TLN2: variants seen among roughly 807,000 people sequenced by gnomAD.
TLN2 encodes the protein talin-2.
TLN2 carries 118 observed loss-of-function variants against 294.7 expected under a neutral mutation model. The ratio of observed to expected loss-of-function variants is 0.40; its 90% confidence interval spans 0.34 to 0.47. The LOEUF (loss-of-function observed/expected upper bound fraction) is 0.47. Ranked by LOEUF, TLN2 falls within the 20% of genes least tolerant of loss-of-function variation. TLN2 has a pLI of 0.84. For synonymous variants in TLN2, 1,431 were observed against 1,304.5 expected, an observed-to-expected ratio of 1.10 and a Z score of -2.09; for missense variants, 3,083 against 3,282.2, an observed-to-expected ratio of 0.94 and a Z score of 1.48.
chr15:62,599,073 C>T (rs940350614), intron 2 of TLN2, among the ~76,000 whole-genome samples: 5 of 152,288 alleles, frequency 3.3e-5, no homozygotes, highest in African/African-American at 1.2e-4. Flanking sequence ...TGTGTCAGGC[C>T]AGGGTGGTGG....
chr15:62,673,680 C>T (rs963784148), intron 9 of TLN2, 147 bp from the exon 10 acceptor site: 43 of 521,636 alleles, frequency 8.2e-5, no homozygotes, highest in Non-Finnish European at 1.3e-4. Context: ...TCAAGTGCAT[C>T]GTAGGATATA....
In TLN2 at chr15:62,771,197, G is replaced by A. The variant is rs377342032; in HGVS notation, c.5367+63G>A. The A allele has an allele frequency of 7.3e-4, 1,080 of 1,474,936 alleles. 26 individuals are homozygous for A. In the South Asian group the frequency reaches 0.013, roughly 18 times the overall value. 91.4% of individuals were successfully genotyped at this position (1,474,936 alleles called of 1,614,324 possible). On this transcript the variant is annotated intron_variant, in intron 42 of 58. Transcript: ENST00000636159. ...TAAGAAGCCATCATGCATTCCTGCT[G>A]TAATGTGTCCTTCCAGGAGAAAACA...
intron 1 of TLN2, among the ~76,000 whole-genome samples, chr15:62,484,672 G>T (rs903340763): frequency 2.0e-5 from 3 of 151,994 alleles, no homozygotes; most frequent in African/African-American, 7.2e-5. Flanking sequence ...TGATCCACCC[G>T]CCTCAGCCTC....
At chr15:62,634,251 A>G (rs2050179092) in intron 3 of TLN2, among the ~76,000 whole-genome samples, 1 of 152,198 alleles carries the variant, frequency 6.6e-6, no homozygotes, top group Admixed American at 6.5e-5. Flanking sequence ...TGTAGCACAA[A>G]TTCCCATTGA....
At chr15:62,422,491 A>G (rs1401368420) in intron 1 of TLN2, among the ~76,000 whole-genome samples, 2 of 152,228 alleles carry the variant, frequency 1.3e-5, no homozygotes, top group African/African-American at 4.8e-5. Flanking sequence ...TTTTTACTGT[A>G]TTACAGTAAT....
rs1413757301 is a variant in TLN2 at position 62,766,396 on chromosome 15, G to A, written c.5170G>A (p.Gly1724Arg). Residue 1724 changes from glycine to arginine, a missense_variant, in exon 41 of 59, where the codon GGA becomes AGA. Coordinates refer to ENST00000636159, the MANE Select transcript of TLN2 (RefSeq NM_015059.3). ...CGATCCCATCGCCACAGCGGCTCGGGGAGAAGCAGCTCAGCTGGGACATAA... is the reference window on the plus strand; with the variant it reads ...CGATCCCATCGCCACAGCGGCTCGGAGAGAAGCAGCTCAGCTGGGACATAA... ...LIDPIATAAR[G>R]EAAQLGHKVT... 1.2e-6 allele frequency: 2 copies of A among 1,612,094 alleles called. No homozygotes were observed. The highest frequency in any genetic ancestry group is 1.7e-6 in the Non-Finnish European group (2 of 1,178,290).
intron 1 of TLN2, among the ~76,000 whole-genome samples, chr15:62,539,758 A>G (rs989306522): frequency 1.6e-4 from 24 of 152,042 alleles, no homozygotes; most frequent in African/African-American, 5.8e-4. Context: ...CTAATGTTTA[A>G]GGAGTGCTTC....
At chr15:62,835,651 G>C in intron 55 of TLN2, 86 bp from the exon 56 acceptor site, 1 of 1,481,802 alleles carries the variant, frequency 6.7e-7, no homozygotes, top group Admixed American at 1.7e-5. Context: ...GTACAAGTCT[G>C]GTTCCCGAGC....
Position 62,748,199 on chromosome 15 carries a change from T to C in TLN2, c.4026-152T>C, listed in dbSNP as rs1015237352. 1.5e-5 allele frequency: 9 copies of C among 617,672 alleles called. No individual in the cohort carries two copies. The African/African-American group carries it at 1.7e-4, about 11-fold the overall frequency. The allele number at this position is 617,672 out of a possible 1,614,324, so 38.3% of individuals were successfully genotyped here. ...TCTGTCTTCCCTGGGTGTGGTTTAT[T>C]TTTGGTTGTGTAGAGCCTCTGCAGA... On this transcript the variant is annotated intron_variant, in intron 32 of 58. Coordinates refer to ENST00000636159, the MANE Select transcript of TLN2 (RefSeq NM_015059.3).
At chr15:62,421,761 C>T (rs1376725969) in intron 1 of TLN2, among the ~76,000 whole-genome samples, 1 of 151,880 alleles carries the variant, frequency 6.6e-6, no homozygotes, top group Non-Finnish European at 1.5e-5. Flanking sequence ...CAGCAAACCC[C>T]CGTGACACAA....
chr15:62,794,044 C>A (rs2065275184), intron 46 of TLN2, among the ~76,000 whole-genome samples: 1 of 152,036 alleles, frequency 6.6e-6, no homozygotes, highest in Non-Finnish European at 1.5e-5. Context: ...AAAGCCCTTT[C>A]TTGTTATTGA....
chr15:62,557,348 G>A (rs967975075), intron 1 of TLN2, among the ~76,000 whole-genome samples: 12 of 152,130 alleles, frequency 7.9e-5, no homozygotes, highest in African/African-American at 1.2e-4. Context: ...TTTGGAGGCC[G>A]CATGGAAACA....
intron 32 of TLN2, among the ~76,000 whole-genome samples, chr15:62,745,856 T>A (rs920674535): frequency 2.0e-5 from 3 of 152,208 alleles, no homozygotes; most frequent in African/African-American, 7.2e-5. Context: ...ATCCCGACTG[T>A]AAAATTAGTT....
rs764248336 is a variant in TLN2, at chr15:62,582,246, A to ACACACACACACC, written c.-237-7439_-237-7438insCACACACACCCA. Among the ~76,000 whole-genome samples, 538 of 137,290 alleles carry ACACACACACACC rather than the reference A, an allele frequency of 3.9e-3. 15 individuals carry two copies. The highest frequency in any genetic ancestry group is 5.3e-3 in the Non-Finnish European group (339 of 63,412). The allele number at this position is 137,290 out of a possible 152,430, so 90.1% of individuals were successfully genotyped here. On this transcript the variant is annotated intron_variant, in intron 1 of 58. Coordinates refer to ENST00000636159, the MANE Select transcript of TLN2 (RefSeq NM_015059.3). ...CACACACACACACACACACACACAC[A>ACACACACACACC]CATTCATGCCTGACCCATTCCTGAC...
intron 2 of TLN2, among the ~76,000 whole-genome samples, chr15:62,611,701 C>T (rs780251611): frequency 2.6e-5 from 4 of 152,154 alleles, no homozygotes; most frequent in Non-Finnish European, 4.4e-5. Context: ...CTCAAGCCTT[C>T]GGAGAGATTT....
Position 62,792,770 on chromosome 15 carries a change from C to T in TLN2, c.5866C>T (p.Arg1956Cys), listed in dbSNP as rs748443009. 16 of 1,614,002 alleles carry T rather than the reference C, an allele frequency of 9.9e-6. No individual in the cohort carries two copies. Among genetic ancestry groups the T allele is most frequent in the South Asian group, 3.3e-5 (3 of 91,064 alleles). The change falls in exon 46 of 59, where the codon CGT becomes TGT. Residue 1956 changes from arginine to cysteine, a missense_variant. Coordinates refer to ENST00000636159, the MANE Select transcript of TLN2 (RefSeq NM_015059.3). ...YTKRELIECA[R>C]AVTEKVSLVL... ...CAAGAGGGAGCTGATCGAATGCGCC[C>T]GTGCCGTCACGGAAAAGGTAAGGAG...
intron 54 of TLN2, among the ~76,000 whole-genome samples, chr15:62,825,748 T>A (rs1164578479): frequency 9.5e-6 from 1 of 105,566 alleles, no homozygotes; most frequent in Admixed American, 1.3e-4. Flanking sequence ...TTATATATAT[T>A]AAATATAATT....
intron 1 of TLN2, among the ~76,000 whole-genome samples, chr15:62,526,247 A>G (rs895726553): frequency 6.6e-6 from 1 of 152,150 alleles, no homozygotes; most frequent in Non-Finnish European, 1.5e-5. Flanking sequence ...CTCCTGCCTC[A>G]GCCTCCTGAG....
At chr15:62,544,666 G>A (rs1440972674) in intron 1 of TLN2, among the ~76,000 whole-genome samples, 1 of 151,596 alleles carries the variant, frequency 6.6e-6, no homozygotes, top group Non-Finnish European at 1.5e-5. Flanking sequence ...CATCAACTCT[G>A]TCATCATCAT....
Sources: allele counts gnomAD v4.1 joint callset (sites outside exome capture counted in the v4.1 genomes callset), GRCh38; gene constraint gnomAD v4.1.1; transcripts MANE v1.5; gene names NCBI Gene and HGNC (gene_info 2026-07-23, HGNC 2026-07-21).